Variants in RAD54L2 observed in about 807,000 individuals in gnomAD.
RAD54L2 encodes the protein RAD54 like 2.
A neutral mutation model predicts 138.4 loss-of-function variants in RAD54L2; 27 were observed. The observed-to-expected ratio is 0.20, with a 90% CI of 0.14 to 0.27. The LOEUF (loss-of-function observed/expected upper bound fraction) is 0.27, where lower values mean the gene tolerates loss of function less well. RAD54L2 is among the 10% of genes least tolerant of loss of function. The probability of loss-of-function intolerance (pLI) is 1.00; values close to 1 mark genes in which losing one functional copy is unlikely to be tolerated. For missense variants in RAD54L2, 1,396 were observed against 1,890.2 expected, an observed-to-expected ratio of 0.74 and a Z score of 4.85; for synonymous variants, 644 against 723.2, an observed-to-expected ratio of 0.89 and a Z score of 1.76.
At chr3:51,551,304 T>A (rs1427531803) in intron 2 of RAD54L2, among the ~76,000 whole-genome samples, 1 of 152,050 alleles carries the variant, frequency 6.6e-6, no homozygotes, top group Non-Finnish European at 1.5e-5. Context: ...AGCTAATTTT[T>A]GTATTCTTTG....
chr3:51,567,833 G>A (rs932643249), intron 2 of RAD54L2, among the ~76,000 whole-genome samples: 4 of 151,096 alleles, frequency 2.6e-5, no homozygotes, highest in South Asian at 2.1e-4. Flanking sequence ...AAATAATTTA[G>A]TACAGGAATA....
At chr3:51,610,974 A>C (rs1700313937) in intron 3 of RAD54L2, among the ~76,000 whole-genome samples, 1 of 152,224 alleles carries the variant, frequency 6.6e-6, no homozygotes, top group African/African-American at 2.4e-5. Context: ...TCCAAGAATA[A>C]TATGCTTAAG....
chr3:51,540,028 T>C (rs1336066946), intron 1 of RAD54L2, among the ~76,000 whole-genome samples: 2 of 152,224 alleles, frequency 1.3e-5, no homozygotes, highest in Non-Finnish European at 2.9e-5. Flanking sequence ...CTTTCCTCCG[T>C]TGTTTTTGAA....
chr3:51,574,302 A>T (rs1699411921), intron 2 of RAD54L2, among the ~76,000 whole-genome samples: 1 of 152,094 alleles, frequency 6.6e-6, no homozygotes, highest in Non-Finnish European at 1.5e-5. Flanking sequence ...GCCACGATAA[A>T]CATACGTGTG....
chr3:51,597,441 G>T (rs1699987547), intron 3 of RAD54L2, among the ~76,000 whole-genome samples: 1 of 152,090 alleles, frequency 6.6e-6, no homozygotes, highest in South Asian at 2.1e-4. Flanking sequence ...AGGTTAGGAG[G>T]TTCGGTACTT....
rs1370195930 is a variant in RAD54L2, at chr3:51,630,727, A to AGAG, written c.627_629dup (p.Glu209dup). ...CAGAGGTGATTGAACTGAGCTCTGG[A>AGAG]GAGGAGGACACTCTGCACATTGTGG... On this transcript the variant is annotated inframe_insertion, in exon 7 of 23. Coordinates refer to ENST00000684192, the MANE Select transcript of RAD54L2 (RefSeq NM_015106.4). The AGAG allele has an allele frequency of 6.2e-7, 1 of 1,613,804 alleles. No homozygotes were observed. Among genetic ancestry groups the AGAG allele is most frequent in the Non-Finnish European group, 8.5e-7 (1 of 1,179,842 alleles).
At chr3:51,642,169 A>C (rs1214519718) in intron 15 of RAD54L2, among the ~76,000 whole-genome samples, 1 of 152,158 alleles carries the variant, frequency 6.6e-6, no homozygotes, top group East Asian at 1.9e-4. Flanking sequence ...GGATAGAATC[A>C]CTGTGGTGAG....
chr3:51,546,411 C>T (rs977023191), intron 2 of RAD54L2, among the ~76,000 whole-genome samples: 7 of 151,338 alleles, frequency 4.6e-5, no homozygotes, highest in South Asian at 2.1e-4. Flanking sequence ...GAGGCTGAGG[C>T]GGGCGGATCA....
chr3:51,614,439 C>G (rs1396565489), intron 3 of RAD54L2, among the ~76,000 whole-genome samples: 1 of 152,008 alleles, frequency 6.6e-6, no homozygotes, highest in Non-Finnish European at 1.5e-5. Context: ...GCTGGGATTA[C>G]AAACATGAGC....
intron 1 of RAD54L2, among the ~76,000 whole-genome samples, chr3:51,539,539 G>A (rs1249502319): frequency 6.6e-6 from 1 of 152,200 alleles, no homozygotes; most frequent in Non-Finnish European, 1.5e-5. Context: ...TTTCAGGCAA[G>A]GAACTTATCA....
intron 19 of RAD54L2, among the ~76,000 whole-genome samples, chr3:51,652,403 G>A (rs1361216955): frequency 6.6e-6 from 1 of 152,096 alleles, no homozygotes; most frequent in Non-Finnish European, 1.5e-5. Context: ...AGCTACCAAC[G>A]ACTTTCTTCA....
chr3:51,543,115 G>A (rs1276735553), intron 2 of RAD54L2, among the ~76,000 whole-genome samples: 1 of 151,666 alleles, frequency 6.6e-6, no homozygotes, highest in Non-Finnish European at 1.5e-5. Flanking sequence ...GTTCAGGCAT[G>A]TTTTTGATGA....
chr3:51,667,087 C>G lies in RAD54L2; in HGVS notation c.*3667C>G, dbSNP rs1018436822. ...CCTGGCATTGCTCTGAAATTGAGTC[C>G]TCATCCCATGGGGAAGGTCTTCTGG... On this transcript the variant is annotated 3_prime_UTR_variant, in exon 23 of 23. Coordinates refer to ENST00000684192, the MANE Select transcript of RAD54L2 (RefSeq NM_015106.4). The G allele has an allele frequency of 6.6e-6, 1 of 152,208 alleles. No homozygotes were observed. The highest frequency in any genetic ancestry group is 2.4e-5 in the African/African-American group (1 of 41,428). 9.4% of individuals were successfully genotyped at this position (152,208 alleles called of 1,614,324 possible). A position where few individuals can be genotyped will look rare whatever the true frequency, so the allele number is the denominator to read the frequency against.
In RAD54L2 at chr3:51,657,485, A is replaced by G. The variant is rs114876798; in HGVS notation, c.3227-95A>G. On this transcript the variant is annotated intron_variant, in intron 20 of 22. Coordinates refer to ENST00000684192, the MANE Select transcript of RAD54L2 (RefSeq NM_015106.4). Reference sequence around the variant, plus strand: ...CCACTGAGAGGCTGTAGGGAAACCAATGAAGAACTGGGGTAGATGTGGGAC... The same window carrying G: ...CCACTGAGAGGCTGTAGGGAAACCAGTGAAGAACTGGGGTAGATGTGGGAC... The G allele has an allele frequency of 1.5e-4, 115 of 762,462 alleles. No homozygotes were observed. In the East Asian group the frequency reaches 2.3e-3, roughly 15 times the overall value. The allele number at this position is 762,462 out of a possible 1,614,324, so 47.2% of individuals were successfully genotyped here.
At chr3:51,623,980 C>CAAA (rs35064930) in intron 3 of RAD54L2, among the ~76,000 whole-genome samples, 241 of 73,954 alleles carry the variant, frequency 3.3e-3, no homozygotes, top group Non-Finnish European at 3.6e-3. Context: ...CTCCGTCTCA[C>CAAA]AAAAAAAAAA....
chr3:51,555,715 TG>T (rs1175542937), intron 2 of RAD54L2, among the ~76,000 whole-genome samples: 1 of 152,212 alleles, frequency 6.6e-6, no homozygotes, highest in Admixed American at 6.5e-5. Flanking sequence ...CCTTGGGCCA[TG>T]GTCGTTCATT....
At position 51,617,220 on chromosome 3, in the gene RAD54L2, C is replaced by T. The variant is rs371017161; in HGVS notation, c.140-10333C>T. ...TTTTTCAAAATTATAGATATGTTTT[C>T]GTTTCTCTTAGATAAAATACCAAGA... On this transcript the variant is annotated intron_variant, in intron 3 of 22. Coordinates refer to ENST00000684192, the MANE Select transcript of RAD54L2 (RefSeq NM_015106.4). Among the ~76,000 whole-genome samples the T allele has an allele frequency of 3.9e-5, 6 of 151,960 alleles. No individual in the cohort carries two copies. The East Asian group carries it at 5.8e-4, about 15-fold the overall frequency.
At chr3:51,646,144 A>G (rs1189853388) in intron 18 of RAD54L2, 141 bp from the exon 19 acceptor site, 2 of 735,068 alleles carry the variant, frequency 2.7e-6, no homozygotes, top group Non-Finnish European at 4.5e-6. Context: ...CTTGACAGAA[A>G]GACAGTAAAC....
Position 51,662,561 on chromosome 3 carries a change from A to G in RAD54L2, c.3545A>G (p.Tyr1182Cys). 1 of 1,613,868 alleles carries G rather than the reference A, an allele frequency of 6.2e-7. No homozygotes were observed. Among genetic ancestry groups the G allele is most frequent in the Non-Finnish European group, 8.5e-7 (1 of 1,179,864 alleles). Residue 1182 changes from tyrosine to cysteine, a missense_variant, in exon 23 of 23, where the codon TAT (tyrosine) becomes TGT (cysteine). Transcript: ENST00000684192. The surrounding 1 kb of genome is among the most constrained non-coding windows in gnomAD (Gnocchi z 4.6). ...GAGATCATCAGTGAGCTTCAGCAGT[A>G]TGCAGATGTGGCTGCTGCCCGGGAA... ...SPEIISELQQ[Y>C]ADVAAARESR...
Sources: gnomAD v4.1 joint callset for allele counts (sites outside exome capture counted in the v4.1 genomes callset) on GRCh38, gnomAD v4.1.1 for gene constraint, Gnocchi (gnomAD v3.1) non-coding constraint, MANE v1.5 for transcripts, NCBI Gene and HGNC (gene_info 2026-07-23, HGNC 2026-07-21) for gene names.